WIZ: variants seen among roughly 807,000 people sequenced by gnomAD.
The protein encoded by WIZ is WIZ zinc finger.
WIZ carries 25 observed loss-of-function variants against 140.2 expected under a neutral mutation model. The ratio of observed to expected loss-of-function variants is 0.18; its 90% CI spans 0.13 to 0.25. The LOEUF (loss-of-function observed/expected upper bound fraction) is 0.25, where lower values mean the gene tolerates loss of function less well. Among genes scored for constraint, WIZ ranks in the 10% least tolerant of loss-of-function variants. The probability of loss-of-function intolerance (pLI) is 1.00; values close to 1 mark genes in which losing one functional copy is unlikely to be tolerated. For synonymous variants in WIZ, 1,125 were observed against 1,154.3 expected (o/e 0.97, Z 0.51); for missense variants, 2,231 against 2,632.6 (o/e 0.85, Z 3.34).
Position 15,437,133 on chromosome 19 carries a change from T to C in WIZ, c.2417-4A>G, listed in dbSNP as rs376077998. On this transcript the variant is annotated splice_region_variant and splice_polypyrimidine_tract_variant and intron_variant, in intron 4 of 12. Transcript: ENST00000673675. ...GTGCCTGGGTCAAAGTTGGCCACTG[T>C]GGAGAGAGGACAGGACTGCCTGAGG... 19 of 1,588,794 alleles carry C rather than the reference T, an allele frequency of 1.2e-5. 1 individual carries two copies. The highest frequency in any genetic ancestry group is 3.7e-5 in the Admixed American group (2 of 53,866).
At chr19:15,436,466 C>T (rs562643989) in intron 5 of WIZ, 24 of 222,010 alleles carry the variant, frequency 1.1e-4, no homozygotes, top group Non-Finnish European at 1.8e-4. Flanking sequence ...TAACACCTGC[C>T]TTATAGGATT....
intron 5 of WIZ, among the ~76,000 whole-genome samples, chr19:15,434,258 TA>T (rs969364743): frequency 0.024 from 1,594 of 67,764 alleles, 19 homozygotes; most frequent in South Asian, 0.073. Context: ...ACTCCATCTT[TA>T]AAAAAAAAAA....
rs774972359 is a variant in WIZ at position 15,424,880 on chromosome 19, G to A, written c.5047C>T (p.Arg1683Trp). Residue 1683 changes from arginine (R) to tryptophan (W), a missense_variant, in exon 11 of 13, where the codon CGG becomes TGG. Around this residue, in one of 15 missense-constraint regions of WIZ, gnomAD observed 299 missense variants for 309.6 expected, o/e 0.97. Transcript: ENST00000673675. The surrounding 1 kb of genome is among the most constrained non-coding windows in gnomAD (Gnocchi z 9.7). The part of the protein sequence containing the change: ...IETLSEWIKH[R>W]PQKVGAYRSY... ...CGGTAGGCGCCCACCTTCTGGGGCC[G>A]GTGTTTGATCCACTCGCTCAGTGTC... is the stretch of plus-strand genomic sequence containing the variant. The A allele has an allele frequency of 5.0e-6, 8 of 1,610,822 alleles. No homozygotes were observed. The highest frequency in any genetic ancestry group is 1.6e-4 in the Middle Eastern group (1 of 6,062).
At position 15,428,518 on chromosome 19, in the gene WIZ, C is replaced by G; in HGVS notation, c.3416-10G>C. 2.0e-6 allele frequency: 3 copies of G among 1,535,230 alleles called. No individual in the cohort carries two copies. The highest frequency in any genetic ancestry group is 2.6e-6 in the Non-Finnish European group (3 of 1,146,734). On this transcript the variant is annotated splice_polypyrimidine_tract_variant and intron_variant, in intron 7 of 12. Transcript: ENST00000673675. The surrounding 1 kb of genome is among the most constrained non-coding windows in gnomAD (Gnocchi z 6.4). The stretch of plus-strand genomic sequence containing the variant: ...CCGTCACTATCTAAAGCTGCGGAGA[C>G]AAAACACAGGGGGGGTTCACGGCCG...
rs752600162 is a variant in WIZ, at chr19:15,448,259, C to T, written c.49G>A (p.Gly17Ser). Residue 17 changes from glycine (G) to serine (S), a missense_variant, in exon 2 of 13, where the codon GGC (glycine) becomes AGC (serine). Transcript: ENST00000673675. Reference protein sequence around the residue: ...GSLAAPDRPQGPERLPGPAPR... With the variant: ...GSLAAPDRPQSPERLPGPAPR... ...GCCGGGCCAGGCAGTCTCTCTGGGCCTTGGGGACGATCTGGTGCAGCCAGG... is the reference window on the plus strand; with the variant it reads ...GCCGGGCCAGGCAGTCTCTCTGGGCTTTGGGGACGATCTGGTGCAGCCAGG... 6.2e-7 allele frequency: 1 copy of T among 1,613,570 alleles called. No individual in the cohort carries two copies. The highest frequency in any genetic ancestry group is 1.1e-5 in the South Asian group (1 of 91,086).
chr19:15,439,287 A>G lies in WIZ; in HGVS notation c.1707T>C (p.His569=). The G allele has an allele frequency of 6.5e-7, 1 of 1,535,494 alleles. No homozygotes were observed. The highest frequency in any genetic ancestry group is 1.2e-5 in the South Asian group (1 of 83,942). Reference sequence around the variant, plus strand: ...TTCCGAGAGGCCTCTGGCCCGTGCCATGCAGGAGTGGCTTTGACAGCGGGA... The same window carrying G: ...TTCCGAGAGGCCTCTGGCCCGTGCCGTGCAGGAGTGGCTTTGACAGCGGGA... ...RDFPLSKPLL[H]GTGQRPLGRL... Residue 569 remains histidine (H), a synonymous_variant, in exon 4 of 13, where the codon CAT becomes CAC. Transcript: ENST00000673675. This position sits in a 1 kb window ranked among gnomAD's most constrained non-coding sequence, Gnocchi z 7.0.
chr19:15,442,498 C>A lies in WIZ; in HGVS notation c.278+178G>T, dbSNP rs1969780174. 6.6e-6 allele frequency among the ~76,000 whole-genome samples: 1 copy of A among 152,210 alleles called. No homozygotes were observed. Among genetic ancestry groups the A allele is most frequent in the Non-Finnish European group, 1.5e-5 (1 of 68,022 alleles). On this transcript the variant is annotated intron_variant, in intron 3 of 12. Coordinates refer to ENST00000673675, the MANE Select transcript of WIZ (RefSeq NM_001371589.1). This position sits in a 1 kb window ranked among gnomAD's most constrained non-coding sequence, Gnocchi z 5.5. Reference sequence around the variant, plus strand: ...GTTGACCCTCTGTGTTCATTCCAGACCTCCCCCAACCCCAGCACACGCCCA... The same window carrying A: ...GTTGACCCTCTGTGTTCATTCCAGAACTCCCCCAACCCCAGCACACGCCCA...
rs1969724391 is a variant in WIZ, at chr19:15,440,994, C to G, written c.279-279G>C. Among the ~76,000 whole-genome samples, 1 of 152,174 alleles carries G rather than the reference C, an allele frequency of 6.6e-6. No individual in the cohort carries two copies. Among genetic ancestry groups the G allele is most frequent in the Admixed American group, 6.5e-5 (1 of 15,280 alleles). ...ATGTACGGAGACCACCCCTGGGCCA[C>G]ACGGGGATGTGGCCACCTCTAAGAA... On this transcript the variant is annotated intron_variant, in intron 3 of 12. Coordinates refer to ENST00000673675, the MANE Select transcript of WIZ (RefSeq NM_001371589.1). The surrounding 1 kb of genome is among the most constrained non-coding windows in gnomAD (Gnocchi z 6.2).
Position 15,423,135 on chromosome 19 carries a change from G to T in WIZ, c.5611C>A (p.Pro1871Thr). The change falls in exon 13 of 13, where the codon CCC becomes ACC. Residue 1871 changes from proline (P) to threonine (T), a missense_variant. Physicochemically the swap from Pro to Thr is conservative, Grantham distance 38. Coordinates refer to ENST00000673675, the MANE Select transcript of WIZ (RefSeq NM_001371589.1). ...ILEMNFSKAD[P>T]PPEESQAPQA... is the part of the protein sequence containing the mutation. ...GGGGCCTGGGACTCCTCAGGTGGGG[G>T]GTCCGCTTTGGAGAAGTTCATCTCC... The T allele has an allele frequency of 6.2e-7, 1 of 1,612,802 alleles. No individual in the cohort carries two copies. Among genetic ancestry groups the T allele is most frequent in the Non-Finnish European group, 8.5e-7 (1 of 1,179,892 alleles).
At chr19:15,433,964 T>C (rs1240586120) in intron 5 of WIZ, among the ~76,000 whole-genome samples, 1 of 152,152 alleles carries the variant, frequency 6.6e-6, no homozygotes, top group Non-Finnish European at 1.5e-5. Flanking sequence ...GTAGGAATAG[T>C]ACCGAAGGGG....
At chr19:15,445,814 C>G (rs1476774666) in intron 2 of WIZ, among the ~76,000 whole-genome samples, 1 of 152,128 alleles carries the variant, frequency 6.6e-6, no homozygotes, top group Non-Finnish European at 1.5e-5. Context: ...CGGGCACACC[C>G]CTGCCCAGGC....
chr19:15,431,859 G>A (rs1969261664), intron 5 of WIZ, among the ~76,000 whole-genome samples: 1 of 152,242 alleles, frequency 6.6e-6, no homozygotes, highest in Non-Finnish European at 1.5e-5. Flanking sequence ...AGGAGTGTGT[G>A]GCAGAGGGAA....
In WIZ at chr19:15,439,624, T is replaced by A. The variant is rs927676266; in HGVS notation, c.1370A>T (p.Tyr457Phe). ...PEASALLYQP[Y>F]GAAVGLSACV... ...GGCGCTGAGGCCAACGGCAGCTCCG[T>A]AGGGCTGATAGAGGAGGGCGCTGGC... The change falls in exon 4 of 13, where the codon TAC becomes TTC. Residue 457 changes from tyrosine to phenylalanine, a missense_variant. Transcript: ENST00000673675. This position sits in a 1 kb window ranked among gnomAD's most constrained non-coding sequence, Gnocchi z 7.0. 7 of 1,485,972 alleles carry A rather than the reference T, an allele frequency of 4.7e-6. No homozygotes were observed. In the African/African-American group the frequency reaches 9.9e-5, roughly 21 times the overall value. The allele number at this position is 1,485,972 out of a possible 1,614,324, so 92.0% of individuals were successfully genotyped here.
rs1489608010 is a variant in WIZ, at chr19:15,422,344, T to A, written c.*732A>T. ...AGGGAGCAGGAGTGGGGGAGGAGAG[T>A]CCCACCCCCCAACCCCACCCTCCAG... On this transcript the variant is annotated 3_prime_UTR_variant, in exon 13 of 13. Transcript: ENST00000673675. 2.0e-5 allele frequency: 3 copies of A among 148,366 alleles called. No homozygotes were observed. Among genetic ancestry groups the A allele is most frequent in the African/African-American group, 7.5e-5 (3 of 39,890 alleles). The allele number at this position is 148,366 out of a possible 1,614,324, so 9.2% of individuals were successfully genotyped here. A position where few individuals can be genotyped will look rare whatever the true frequency, so the allele number is the denominator to read the frequency against.
intron 5 of WIZ, among the ~76,000 whole-genome samples, chr19:15,435,339 C>G (rs1475604794): frequency 1.3e-5 from 2 of 152,106 alleles, no homozygotes; most frequent in East Asian, 3.8e-4. Flanking sequence ...CGTGATGGCT[C>G]AGGCCTCTAA....
chr19:15,439,981 C>A lies in WIZ; in HGVS notation c.1013G>T (p.Arg338Leu), dbSNP rs868130258. 2.0e-6 allele frequency: 3 copies of A among 1,535,666 alleles called. No individual in the cohort carries two copies. In the African/African-American group the frequency reaches 4.1e-5, roughly 21 times the overall value. Reference protein sequence around the residue: ...EHLLEHMSQHRRAPGQEPPAD... With the variant: ...EHLLEHMSQHLRAPGQEPPAD... Reference sequence around the variant, plus strand: ...AGGGGGCTCCTGGCCCGGGGCTCGGCGGTGCTGGCTCATGTGCTCCAGGAG... The same window carrying A: ...AGGGGGCTCCTGGCCCGGGGCTCGGAGGTGCTGGCTCATGTGCTCCAGGAG... Residue 338 changes from arginine to leucine, a missense_variant, in exon 4 of 13, where the codon CGC (arginine) becomes CTC (leucine). By Grantham distance (102) the Arg-to-Leu change is moderately radical. Coordinates refer to ENST00000673675, the MANE Select transcript of WIZ (RefSeq NM_001371589.1). The surrounding 1 kb of genome is among the most constrained non-coding windows in gnomAD (Gnocchi z 7.0).
chr19:15,423,586 C>A (rs187255057), intron 12 of WIZ, among the ~76,000 whole-genome samples: 1,960 of 151,900 alleles, frequency 0.013, 36 homozygotes, highest in African/African-American at 0.045. Flanking sequence ...AAGCCCCCCA[C>A]CTCCTCCTGT....
intron 5 of WIZ, among the ~76,000 whole-genome samples, chr19:15,435,549 T>A (rs937477057): frequency 6.6e-6 from 1 of 152,136 alleles, no homozygotes; most frequent in Admixed American, 6.5e-5. Flanking sequence ...AAATCTAGAC[T>A]CTAGGCCGGG....
chr19:15,448,308 C>G lies in WIZ; in HGVS notation c.-1G>C. 1.2e-6 allele frequency: 2 copies of G among 1,611,740 alleles called. No homozygotes were observed. The highest frequency in any genetic ancestry group is 1.7e-6 in the Non-Finnish European group (2 of 1,179,832). ...GGCTGCCTGCCAGAGACCCCTCCAT[C>G]GGATTTTCTCTGCTTGGATCCACTC... On this transcript the variant is annotated 5_prime_UTR_variant, in exon 2 of 13. Coordinates refer to ENST00000673675, the MANE Select transcript of WIZ (RefSeq NM_001371589.1).
Sources: allele counts gnomAD v4.1 joint callset (sites outside exome capture counted in the v4.1 genomes callset), GRCh38; gene constraint gnomAD v4.1.1; regional missense constraint gnomAD v4.1.1; non-coding constraint Gnocchi (gnomAD v3.1); transcripts MANE v1.5; gene names NCBI Gene and HGNC (gene_info 2026-07-23, HGNC 2026-07-21).